Variants in FOXP2 observed in about 807,000 individuals in gnomAD.
FOXP2 encodes the protein forkhead box P2.
Under a neutral mutation model 115.8 loss-of-function variants are expected in FOXP2, and 12 were observed. That is an observed-to-expected ratio of 0.10 (90% confidence interval 0.07 to 0.17). FOXP2 has a LOEUF of 0.17. Ranked by LOEUF, FOXP2 falls within the 10% of genes least tolerant of loss-of-function variation. The probability of loss-of-function intolerance (pLI) is 1.00; values close to 1 mark genes in which losing one functional copy is unlikely to be tolerated. For missense variants in FOXP2, 629 were observed against 843.5 expected, an observed-to-expected ratio of 0.75 and a Z score of 3.15; for synonymous variants, 328 against 297.7, an observed-to-expected ratio of 1.10 and a Z score of -1.05.
intron 3 of FOXP2, among the ~76,000 whole-genome samples, chr7:114,615,557 G>A (rs1402345522): frequency 5.3e-5 from 8 of 152,170 alleles, no homozygotes; most frequent in Admixed American, 2.0e-4. Flanking sequence ...TTTCCAACTC[G>A]ACTTCTCTAG....
intron 2 of FOXP2, among the ~76,000 whole-genome samples, chr7:114,407,281 G>A (rs1408019693): frequency 1.3e-5 from 2 of 151,808 alleles, no homozygotes; most frequent in Non-Finnish European, 2.9e-5. Context: ...TAAATAGTTG[G>A]AATTACAATT....
intron 1 of FOXP2, among the ~76,000 whole-genome samples, chr7:114,136,794 G>T (rs549433644): frequency 9.4e-4 from 143 of 151,938 alleles, no homozygotes; most frequent in Non-Finnish European, 1.9e-3. Flanking sequence ...ATTACTACAG[G>T]AGAAGCTAGA....
intron 2 of FOXP2, among the ~76,000 whole-genome samples, chr7:114,335,891 A>G (rs1181389137): frequency 6.6e-6 from 1 of 151,818 alleles, no homozygotes; most frequent in Non-Finnish European, 1.5e-5. Context: ...AGAAAAAAAA[A>G]TGATCAAAAT....
At chr7:114,508,036 A>G (rs1797907772) in intron 2 of FOXP2, among the ~76,000 whole-genome samples, 1 of 152,050 alleles carries the variant, frequency 6.6e-6, no homozygotes, top group African/African-American at 2.4e-5. Flanking sequence ...TAGGTGATAG[A>G]AATGCAAAAA....
intron 2 of FOXP2, among the ~76,000 whole-genome samples, chr7:114,442,957 TC>T (rs1027351545): frequency 6.6e-6 from 1 of 152,090 alleles, no homozygotes; most frequent in Non-Finnish European, 1.5e-5. Flanking sequence ...AAGAGGAAAC[TC>T]CAATTCCAAG....
intron 1 of FOXP2, among the ~76,000 whole-genome samples, chr7:114,109,526 T>C (rs1791211818): frequency 6.6e-6 from 1 of 152,068 alleles, no homozygotes. Context: ...TTTATATTGA[T>C]TTTATGAAAG....
At chr7:114,102,285 C>T (rs115109895) in intron 1 of FOXP2, among the ~76,000 whole-genome samples, 1 of 151,884 alleles carries the variant, frequency 6.6e-6, no homozygotes, top group African/African-American at 2.4e-5. Flanking sequence ...TTCATAATTT[C>T]AATAGATGAG....
intron 2 of FOXP2, among the ~76,000 whole-genome samples, chr7:114,435,588 A>T (rs1210412278): frequency 6.6e-6 from 1 of 152,110 alleles, no homozygotes; most frequent in East Asian, 1.9e-4. Flanking sequence ...CCCAAGTTGG[A>T]GTGCAATGGC....
intron 2 of FOXP2, among the ~76,000 whole-genome samples, chr7:114,383,726 A>G (rs1436487757): frequency 1.3e-5 from 2 of 152,148 alleles, no homozygotes; most frequent in Admixed American, 6.5e-5. Flanking sequence ...TCTGAGGGTC[A>G]AATTGGTCCT....
At chr7:114,372,679 A>G (rs890039665) in intron 2 of FOXP2, among the ~76,000 whole-genome samples, 4 of 152,126 alleles carry the variant, frequency 2.6e-5, no homozygotes, top group Admixed American at 2.6e-4. Flanking sequence ...ATTCTGTCCA[A>G]TTCCAAAGCT....
intron 2 of FOXP2, among the ~76,000 whole-genome samples, chr7:114,395,833 C>T (rs1187639823): frequency 4.6e-5 from 7 of 151,482 alleles, no homozygotes; most frequent in Non-Finnish European, 2.9e-5. Context: ...GAATGGTAAT[C>T]TAGTGTGTGG....
At chr7:114,563,332 A>C (rs925909310) in intron 3 of FOXP2, among the ~76,000 whole-genome samples, 1 of 152,184 alleles carries the variant, frequency 6.6e-6, no homozygotes, top group African/African-American at 2.4e-5. Flanking sequence ...AAAACATTTG[A>C]GACTTTTGAT....
chr7:114,296,531 C>A (rs1584616496), intron 2 of FOXP2, among the ~76,000 whole-genome samples: 1 of 151,286 alleles, frequency 6.6e-6, no homozygotes, highest in African/African-American at 2.4e-5. Context: ...TAGGTTTAGT[C>A]AAAGAATAAT....
intron 7 of FOXP2, 44 bp downstream of exon 7, chr7:114,642,667 T>G: frequency 1.3e-6 from 2 of 1,566,536 alleles, no homozygotes; most frequent in Non-Finnish European, 1.8e-6. Context: ...ATTTTCAGAT[T>G]TTATTTTCAC....
chr7:114,276,853 C>T (rs1366900102), intron 1 of FOXP2, among the ~76,000 whole-genome samples: 1 of 152,132 alleles, frequency 6.6e-6, no homozygotes, highest in Admixed American at 6.5e-5. Flanking sequence ...AAGCTCCTTA[C>T]ATGTGGAATT....
chr7:114,311,770 T>TA (rs1049888154), intron 2 of FOXP2, among the ~76,000 whole-genome samples: 1 of 152,022 alleles, frequency 6.6e-6, no homozygotes, highest in Non-Finnish European at 1.5e-5. Context: ...AGCCTTTTCT[T>TA]AAAAAAAATT....
At chr7:114,098,491 A>G (rs1224245265) in intron 1 of FOXP2, among the ~76,000 whole-genome samples, 1 of 152,188 alleles carries the variant, frequency 6.6e-6, no homozygotes, top group Non-Finnish European at 1.5e-5. Flanking sequence ...TCTCTTCAAT[A>G]AACGGTGCTG....
chr7:114,424,322 T>C (rs541775723), intron 1 of FOXP2, among the ~76,000 whole-genome samples: 15 of 151,412 alleles, frequency 9.9e-5, no homozygotes, highest in Non-Finnish European at 1.9e-4. Flanking sequence ...GAAAATATAG[T>C]GTTTTATTTT....
chr7:114,472,624 A>G (rs1231755746), intron 2 of FOXP2, among the ~76,000 whole-genome samples: 2 of 152,180 alleles, frequency 1.3e-5, no homozygotes, highest in Non-Finnish European at 2.9e-5. Context: ...CTGGGTTTAC[A>G]AACGTGAGCC....
Sources: gnomAD v4.1 joint callset for allele counts (sites outside exome capture counted in the v4.1 genomes callset) on GRCh38, gnomAD v4.1.1 for gene constraint, MANE v1.5 for transcripts, NCBI Gene and HGNC (gene_info 2026-07-23, HGNC 2026-07-21) for gene names.